Variants in CACNB4 observed in about 807,000 individuals in gnomAD.
CACNB4 encodes calcium voltage-gated channel auxiliary subunit beta 4, also known as voltage-dependent L-type calcium channel subunit beta-4.
Under a neutral mutation model 71.2 loss-of-function variants are expected in CACNB4, and 32 were observed. The observed-to-expected ratio is 0.45, with a 90% CI of 0.34 to 0.60. The LOEUF is 0.60. Ranked by LOEUF, CACNB4 falls within the 20% of genes least tolerant of loss-of-function variation. The probability of loss-of-function intolerance (pLI) is 0.01; values close to 1 mark genes in which losing one functional copy is unlikely to be tolerated. For synonymous variants in CACNB4, 231 were observed against 236.9 expected, an observed-to-expected ratio of 0.97 and a Z score of 0.23; for missense variants, 464 against 647.9, an observed-to-expected ratio of 0.72 and a Z score of 3.08.
At chr2:152,035,604 T>C (rs1224852967) in intron 2 of CACNB4, among the ~76,000 whole-genome samples, 1 of 127,864 alleles carries the variant, frequency 7.8e-6, no homozygotes, top group South Asian at 2.8e-4. Context: ...TCTCTCTCTT[T>C]CTCTCTCTCT....
intron 2 of CACNB4, among the ~76,000 whole-genome samples, chr2:152,047,200 C>A (rs1314710163): frequency 6.6e-6 from 1 of 152,222 alleles, no homozygotes; most frequent in Non-Finnish European, 1.5e-5. Flanking sequence ...AAAATAACAT[C>A]TTGACATATG....
chr2:152,087,788 T>C (rs555319300), intron 2 of CACNB4, among the ~76,000 whole-genome samples: 2 of 152,146 alleles, frequency 1.3e-5, no homozygotes, highest in African/African-American at 4.8e-5. Flanking sequence ...CTGAGGCAGC[T>C]TGGGCCCAGC....
At chr2:151,875,070 T>C in intron 5 of CACNB4, 1 of 388,966 alleles carries the variant, frequency 2.6e-6, no homozygotes, top group Non-Finnish European at 4.5e-6. Flanking sequence ...GAGGGGGATT[T>C]GGCAGGGTCA....
At chr2:152,004,409 T>A (rs999710696) in intron 2 of CACNB4, among the ~76,000 whole-genome samples, 1 of 152,138 alleles carries the variant, frequency 6.6e-6, no homozygotes, top group African/African-American at 2.4e-5. Context: ...GTCACACTTC[T>A]GCCCTGTGCA....
intron 2 of CACNB4, among the ~76,000 whole-genome samples, chr2:151,939,020 A>G (rs1259717940): frequency 6.6e-6 from 1 of 152,214 alleles, no homozygotes; most frequent in Non-Finnish European, 1.5e-5. Flanking sequence ...GTGTACTCCT[A>G]TGAGAATCAA....
intron 12 of CACNB4, among the ~76,000 whole-genome samples, chr2:151,848,573 T>C (rs1174644350): frequency 1.3e-5 from 2 of 152,068 alleles, no homozygotes; most frequent in Non-Finnish European, 2.9e-5. Flanking sequence ...TAAATCTGAG[T>C]CCATTCAGCA....
At chr2:151,895,908 A>C (rs1247624771) in intron 2 of CACNB4, among the ~76,000 whole-genome samples, 8 of 151,008 alleles carry the variant, frequency 5.3e-5, no homozygotes, top group Middle Eastern at 3.4e-3. Flanking sequence ...CAAATGGGGC[A>C]ATCTCAGCTC....
chr2:151,905,882 G>A (rs556319060), intron 2 of CACNB4, among the ~76,000 whole-genome samples: 1 of 152,312 alleles, frequency 6.6e-6, no homozygotes, highest in South Asian at 2.1e-4. Context: ...TCTCCACTTC[G>A]TCTATCAAGT....
chr2:151,959,449 C>T (rs561103544), intron 2 of CACNB4, among the ~76,000 whole-genome samples: 91 of 152,310 alleles, frequency 6.0e-4, no homozygotes, highest in African/African-American at 2.2e-3. Context: ...AAACTAGTCA[C>T]TAAGTTAGAC....
chr2:151,876,905 GTATATGTA>G (rs905068496), intron 4 of CACNB4, among the ~76,000 whole-genome samples: 7 of 113,514 alleles, frequency 6.2e-5, no homozygotes, highest in African/African-American at 1.5e-4. Flanking sequence ...AAACTATATT[GTATATGTA>G]TATATGTATA....
At chr2:151,875,452 T>C (rs1248186566) in intron 5 of CACNB4, among the ~76,000 whole-genome samples, 3 of 152,088 alleles carry the variant, frequency 2.0e-5, no homozygotes, top group East Asian at 1.9e-4. Context: ...CTTTCCCCCT[T>C]TTCTATTCCA....
Position 151,876,458 on chromosome 2 carries a change from C to T in CACNB4, c.489G>A (p.Gln163=). The T allele has an allele frequency of 6.2e-7, 1 of 1,602,414 alleles. No individual in the cohort carries two copies. Among genetic ancestry groups the T allele is most frequent in the Non-Finnish European group, 8.5e-7 (1 of 1,172,518 alleles). Residue 163 remains glutamine (Q), a synonymous_variant, in exon 5 of 14, where the codon CAG becomes CAA. Coordinates refer to ENST00000539935, the MANE Select transcript of CACNB4 (RefSeq NM_000726.5). The part of the protein sequence containing the change: ...SPLRLENIRI[Q]QEQKRGRFHG... ...GAAAACGTCCTCTTTTTTGTTCTTG[C>T]TGGATCCGTATGTTCTCCAATCTGA... is the stretch of plus-strand genomic sequence containing the variant.
At chr2:152,079,561 G>A (rs1021594575) in intron 2 of CACNB4, among the ~76,000 whole-genome samples, 4 of 152,022 alleles carry the variant, frequency 2.6e-5, no homozygotes, top group Admixed American at 1.3e-4. Flanking sequence ...CAAGGCAGCG[G>A]GATCACTTGA....
intron 12 of CACNB4, among the ~76,000 whole-genome samples, chr2:151,848,707 C>CA (rs556622092): frequency 2.0e-5 from 3 of 152,034 alleles, no homozygotes; most frequent in Admixed American, 6.5e-5. Context: ...ATTTTACACA[C>CA]AAAAAAACAT....
At chr2:151,874,547 G>A (rs1003460873) in intron 5 of CACNB4, among the ~76,000 whole-genome samples, 7 of 151,850 alleles carry the variant, frequency 4.6e-5, no homozygotes, top group Non-Finnish European at 1.0e-4. Flanking sequence ...GTATTGGCAA[G>A]TTATATGCTA....
At chr2:152,004,568 C>G (rs1206450705) in intron 2 of CACNB4, among the ~76,000 whole-genome samples, 1 of 142,220 alleles carries the variant, frequency 7.0e-6, no homozygotes, top group Non-Finnish European at 1.5e-5. Flanking sequence ...CACACACACA[C>G]ATGCTAACAA....
chr2:152,073,453 G>C (rs1686813083), intron 2 of CACNB4, among the ~76,000 whole-genome samples: 1 of 152,036 alleles, frequency 6.6e-6, no homozygotes, highest in African/African-American at 2.4e-5. Flanking sequence ...TGGCAATCGT[G>C]CTTTGCTATG....
chr2:151,895,846 C>T (rs1173698284), intron 2 of CACNB4, among the ~76,000 whole-genome samples: 2 of 140,258 alleles, frequency 1.4e-5, no homozygotes, highest in African/African-American at 2.6e-5. Context: ...TAATTGTGTA[C>T]TTTTTTTTTT....
At chr2:151,869,282 G>A (rs1310233602) in intron 8 of CACNB4, 47 bp from the exon 9 acceptor site, 7 of 1,130,080 alleles carry the variant, frequency 6.2e-6, no homozygotes, top group Non-Finnish European at 9.2e-6. Context: ...CATGCAGAGA[G>A]AGAGAGAGAA....
Sources: allele counts gnomAD v4.1 joint callset (sites outside exome capture counted in the v4.1 genomes callset), GRCh38; gene constraint gnomAD v4.1.1; transcripts MANE v1.5; gene names NCBI Gene and HGNC (gene_info 2026-07-23, HGNC 2026-07-21).